The following MYRIP variants were observed in gnomAD, a reference collection of about 807,000 sequenced individuals.
MYRIP encodes the protein rab effector MyRIP.
MYRIP carries 49 observed loss-of-function variants against 98.0 expected under a neutral mutation model. The ratio of observed to expected loss-of-function variants is 0.50; its 90% CI spans 0.40 to 0.63. MYRIP has a LOEUF of 0.63. MYRIP is among the 30% of genes least tolerant of loss of function. MYRIP has a pLI of 0.00. For missense variants in MYRIP, 1,004 were observed against 1,058.2 expected, an observed-to-expected ratio of 0.95 and a Z score of 0.71; for synonymous variants, 404 against 409.5, an observed-to-expected ratio of 0.99 and a Z score of 0.16.
chr3:39,817,269 A>G (rs1940951976), intron 1 of MYRIP, among the ~76,000 whole-genome samples: 1 of 152,230 alleles, frequency 6.6e-6, no homozygotes, highest in South Asian at 2.1e-4. Context: ...TGCATGCTCC[A>G]GAAGAGAATG....
At chr3:40,160,075 T>C (rs936969129) in intron 4 of MYRIP, among the ~76,000 whole-genome samples, 2 of 152,230 alleles carry the variant, frequency 1.3e-5, no homozygotes, top group African/African-American at 4.8e-5. Context: ...GGCGCTCTGC[T>C]TTTTAGAGTT....
chr3:39,864,314 G>C (rs1942558719), intron 1 of MYRIP, among the ~76,000 whole-genome samples: 1 of 151,682 alleles, frequency 6.6e-6, no homozygotes, highest in Non-Finnish European at 1.5e-5. Context: ...AATTGGACAA[G>C]AGGAAAAAAA....
At chr3:39,958,257 C>T (rs1477409539) in intron 2 of MYRIP, among the ~76,000 whole-genome samples, 3 of 152,154 alleles carry the variant, frequency 2.0e-5, no homozygotes, top group Non-Finnish European at 2.9e-5. Flanking sequence ...CTGGAGGCAT[C>T]ACGCTACCTG....
chr3:40,015,656 A>G (rs1345524368), intron 2 of MYRIP, among the ~76,000 whole-genome samples: 21 of 152,256 alleles, frequency 1.4e-4, no homozygotes, highest in Admixed American at 1.4e-3. Flanking sequence ...CAGGACAGCC[A>G]GGCAGGTTGT....
At chr3:39,886,517 A>G (rs1658137010) in intron 1 of MYRIP, among the ~76,000 whole-genome samples, 1 of 149,308 alleles carries the variant, frequency 6.7e-6, no homozygotes, top group African/African-American at 2.6e-5. Flanking sequence ...ATGGAAAACA[A>G]AAAAAGGCAG....
chr3:40,052,424 A>G (rs376819098), intron 3 of MYRIP, among the ~76,000 whole-genome samples: 1 of 152,186 alleles, frequency 6.6e-6, no homozygotes, highest in East Asian at 1.9e-4. Flanking sequence ...CCTTTGAAAA[A>G]TACATTAAAC....
chr3:40,223,800 T>C (rs1952409748), intron 11 of MYRIP, among the ~76,000 whole-genome samples: 1 of 152,154 alleles, frequency 6.6e-6, no homozygotes, highest in South Asian at 2.1e-4. Context: ...CCTGAGCTCG[T>C]GGAACTTACC....
chr3:40,218,008 A>C (rs1199717685), intron 11 of MYRIP, among the ~76,000 whole-genome samples: 1 of 152,200 alleles, frequency 6.6e-6, no homozygotes, highest in Non-Finnish European at 1.5e-5. Flanking sequence ...ATACATAAGC[A>C]AAAATTTCAT....
intron 16 of MYRIP, among the ~76,000 whole-genome samples, chr3:40,253,499 A>G (rs574018884): frequency 2.2e-4 from 33 of 152,304 alleles, no homozygotes; most frequent in Admixed American, 1.9e-3. Context: ...AACTCAAACA[A>G]GCCTACAGGC....
chr3:40,134,578 C>T (rs956409635), intron 3 of MYRIP, among the ~76,000 whole-genome samples: 1 of 152,264 alleles, frequency 6.6e-6, no homozygotes, highest in South Asian at 2.1e-4. Context: ...AACAGGCAGA[C>T]TGCCTCCTCA....
At chr3:39,950,612 G>A (rs993314892) in intron 2 of MYRIP, among the ~76,000 whole-genome samples, 2 of 152,092 alleles carry the variant, frequency 1.3e-5, no homozygotes, top group African/African-American at 4.8e-5. Context: ...GGATGACTGG[G>A]TCTCTCTTTC....
chr3:39,839,259 G>GTT (rs534934868), intron 1 of MYRIP, among the ~76,000 whole-genome samples: 1 of 145,322 alleles, frequency 6.9e-6, no homozygotes. Flanking sequence ...TGCTTTTCTA[G>GTT]TTTTTTTTTT....
At chr3:40,126,408 T>C (rs1243537035) in intron 3 of MYRIP, among the ~76,000 whole-genome samples, 6 of 152,254 alleles carry the variant, frequency 3.9e-5, no homozygotes, top group Non-Finnish European at 1.5e-5. Context: ...AGTCTGTTTT[T>C]ACTGTTAATT....
chr3:39,880,739 A>T (rs1181030391), intron 1 of MYRIP, among the ~76,000 whole-genome samples: 1 of 152,210 alleles, frequency 6.6e-6, no homozygotes, highest in Non-Finnish European at 1.5e-5. Context: ...CTTTACCCAT[A>T]GAATGCAATA....
At chr3:40,032,106 G>C (rs549696732) in intron 2 of MYRIP, among the ~76,000 whole-genome samples, 33 of 152,076 alleles carry the variant, frequency 2.2e-4, no homozygotes, top group African/African-American at 7.2e-4. Context: ...GATCTTTCCT[G>C]CTTTCTCTTG....
intron 1 of MYRIP, among the ~76,000 whole-genome samples, chr3:39,862,047 C>T (rs1014743355): frequency 1.3e-5 from 2 of 152,100 alleles, no homozygotes; most frequent in Non-Finnish European, 2.9e-5. Flanking sequence ...TTATCAGATT[C>T]TCCAAGGTTG....
At chr3:40,037,447 T>C (rs1947408303) in intron 2 of MYRIP, among the ~76,000 whole-genome samples, 1 of 152,068 alleles carries the variant, frequency 6.6e-6, no homozygotes, top group South Asian at 2.1e-4. Context: ...TTTGGCTTAG[T>C]GGGTTTGGGG....
At position 40,013,708 on chromosome 3, in the gene MYRIP, G is replaced by A. The variant is rs914800433; in HGVS notation, c.111-30342G>A. Among the ~76,000 whole-genome samples the A allele has an allele frequency of 1.1e-4, 17 of 152,300 alleles. No homozygotes were observed. In the South Asian group the frequency reaches 1.2e-3, roughly 11 times the overall value. ...TCTCTGTGCCTTGGTTTCCTGATAC[G>A]TAAAATGGAGGGATGATGGCTGCCT... On this transcript the variant is annotated intron_variant, in intron 2 of 16. Transcript: ENST00000302541.
At chr3:40,255,683 G>A (rs1411466056) in intron 16 of MYRIP, among the ~76,000 whole-genome samples, 3 of 152,106 alleles carry the variant, frequency 2.0e-5, no homozygotes, top group African/African-American at 7.2e-5. Flanking sequence ...TTTCTTGATT[G>A]ATTTGGCAGA....
Sources: gnomAD v4.1 joint callset for allele counts (sites outside exome capture counted in the v4.1 genomes callset) on GRCh38, gnomAD v4.1.1 for gene constraint, MANE v1.5 for transcripts, NCBI Gene and HGNC (gene_info 2026-07-23, HGNC 2026-07-21) for gene names.